The following GLP1R variants were observed in gnomAD, a reference collection of about 807,000 sequenced individuals.
The protein encoded by GLP1R is glucagon-like peptide 1 receptor.
GLP1R carries 32 observed loss-of-function variants against 68.4 expected under a neutral mutation model. The ratio of observed to expected loss-of-function variants is 0.47; its 90% confidence interval spans 0.35 to 0.63. The LOEUF (loss-of-function observed/expected upper bound fraction) is 0.63, where lower values mean the gene tolerates loss of function less well. GLP1R is among the 20% of genes least tolerant of loss of function. The pLI is 0.00. For synonymous variants in GLP1R, 263 were observed against 244.4 expected (o/e 1.08, Z -0.71); for missense variants, 502 against 594.9 (o/e 0.84, Z 1.62).
chr6:39,075,269 G>T (rs886908345), intron 7 of GLP1R, among the ~76,000 whole-genome samples: 1 of 152,212 alleles, frequency 6.6e-6, no homozygotes, highest in Non-Finnish European at 1.5e-5. Context: ...TCTCCCCGAG[G>T]CTTCTTCCTC....
At chr6:39,055,910 C>T (rs937567055) in intron 1 of GLP1R, among the ~76,000 whole-genome samples, 3 of 151,658 alleles carry the variant, frequency 2.0e-5, no homozygotes, top group Non-Finnish European at 4.4e-5. Flanking sequence ...AACTCTGCTT[C>T]CTGGGGGGGC....
chr6:39,079,172 C>T lies in GLP1R; in HGVS notation c.1015C>T (p.Leu339Phe), dbSNP rs199959395. ...CGTGGTATCCAAACTGAAGGCCAAT[C>T]TCATGTGCAAGACAGACATCAAATG... is the stretch of plus-strand genomic sequence containing the variant. ...CIVVSKLKAN[L>F]MCKTDIKCRL... is the part of the protein sequence containing the mutation. The change falls in exon 10 of 13, where the codon CTC becomes TTC. Residue 339 changes from leucine to phenylalanine, a missense_variant. Physicochemically the swap from Leu to Phe is conservative, Grantham distance 22 (BLOSUM62 0). Transcript: ENST00000373256. This position sits in a 1 kb window ranked among gnomAD's most constrained non-coding sequence, Gnocchi z 4.5. 1 of 1,613,768 alleles carries T rather than the reference C, an allele frequency of 6.2e-7. No individual in the cohort carries two copies. Among genetic ancestry groups the T allele is most frequent in the Non-Finnish European group, 8.5e-7 (1 of 1,179,666 alleles).
chr6:39,085,986 C>A lies in GLP1R; in HGVS notation c.1305C>A (p.Pro435=). 1 of 1,614,004 alleles carries A rather than the reference C, an allele frequency of 6.2e-7. No individual in the cohort carries two copies. Among genetic ancestry groups the A allele is most frequent in the South Asian group, 1.1e-5 (1 of 91,076 alleles). ...TCCAGAGGGACAGCAGCATGAAGCC[C>A]CTCAAGTGTCCCACCAGCAGCCTGA... The part of the protein sequence containing the change: ...LHIQRDSSMK[P]LKCPTSSLSS... The change falls in exon 13 of 13, where the codon CCC becomes CCA. Residue 435 remains proline (P), a synonymous_variant. Coordinates refer to ENST00000373256, the MANE Select transcript of GLP1R (RefSeq NM_002062.5).
At chr6:39,061,702 C>G (rs190634012) in intron 3 of GLP1R, among the ~76,000 whole-genome samples, 73 of 152,312 alleles carry the variant, frequency 4.8e-4, no homozygotes, top group Admixed American at 4.4e-3. Flanking sequence ...CCGGGCACTT[C>G]ACATGCTTTA....
intron 3 of GLP1R, among the ~76,000 whole-genome samples, chr6:39,063,917 C>CAG (rs1768423128): frequency 6.9e-6 from 1 of 144,002 alleles, no homozygotes; most frequent in African/African-American, 2.6e-5. Flanking sequence ...CACACACACA[C>CAG]AGACACATAA....
rs1769251072 is a variant in GLP1R, at chr6:39,090,330, T to C, written c.*4257T>C. On this transcript the variant is annotated 3_prime_UTR_variant, in exon 13 of 13. Coordinates refer to ENST00000373256, the MANE Select transcript of GLP1R (RefSeq NM_002062.5). ...CTCCCCAAGTCTCTTGGAATATATA[T>C]GTATCTGAATCTCTCAGAGGAGAGA... Among the ~76,000 whole-genome samples the C allele has an allele frequency of 6.6e-6, 1 of 152,206 alleles. No individual in the cohort carries two copies. Among genetic ancestry groups the C allele is most frequent in the Admixed American group, 6.5e-5 (1 of 15,280 alleles).
chr6:39,083,609 A>G (rs916603303), intron 12 of GLP1R, among the ~76,000 whole-genome samples: 1 of 152,082 alleles, frequency 6.6e-6, no homozygotes, highest in Non-Finnish European at 1.5e-5. Context: ...GCCACTGCCG[A>G]GCTGTGTGAC....
chr6:39,072,919 G>A lies in GLP1R; in HGVS notation c.567G>A (p.Leu189=), dbSNP rs761925949. ...IHLNLFASFI[L]RALSVFIKDA... ...TGAACCTGTTTGCATCCTTCATCCT[G>A]CGAGCATTGTCCGTCTTCATCAAGG... Residue 189 remains leucine (L), a synonymous_variant, in exon 6 of 13, where the codon CTG becomes CTA. Transcript: ENST00000373256. 17 of 1,614,070 alleles carry A rather than the reference G, an allele frequency of 1.1e-5. No individual in the cohort carries two copies. The highest frequency in any genetic ancestry group is 1.7e-5 in the Admixed American group (1 of 60,016).
At chr6:39,071,503 T>C (rs1444880049) in intron 5 of GLP1R, among the ~76,000 whole-genome samples, 1 of 152,172 alleles carries the variant, frequency 6.6e-6, no homozygotes, top group Non-Finnish European at 1.5e-5. Context: ...GCGTATGATA[T>C]AAATAAAGGA....
At chr6:39,072,185 T>C (rs1358880022) in intron 5 of GLP1R, among the ~76,000 whole-genome samples, 1 of 152,262 alleles carries the variant, frequency 6.6e-6, no homozygotes, top group African/African-American at 2.4e-5. Context: ...ATAATAACTA[T>C]TTTGTTTACT....
At chr6:39,054,538 A>G (rs570817856) in intron 1 of GLP1R, among the ~76,000 whole-genome samples, 1 of 150,004 alleles carries the variant, frequency 6.7e-6, no homozygotes, top group Admixed American at 6.6e-5. Context: ...TTTTATGTCC[A>G]CAGCTCTGCT....
chr6:39,078,260 C>A, intron 7 of GLP1R, 62 bp from the exon 8 acceptor site: 1 of 1,190,422 alleles, frequency 8.4e-7, no homozygotes, highest in Non-Finnish European at 1.3e-6. Flanking sequence ...GAGGCCTCGG[C>A]ATGTAGACTG....
chr6:39,079,282 G>A lies in GLP1R; in HGVS notation c.1043+82G>A. On this transcript the variant is annotated intron_variant, in intron 10 of 12. Coordinates refer to ENST00000373256, the MANE Select transcript of GLP1R (RefSeq NM_002062.5). The surrounding 1 kb of genome is among the most constrained non-coding windows in gnomAD (Gnocchi z 4.5). ...AGCAGAGAGAGAGAGAGAGATCCTG[G>A]GATGCTTAGCTTAGAGCCCTACACT... 5.6e-6 allele frequency: 6 copies of A among 1,067,368 alleles called. No individual in the cohort carries two copies. Among genetic ancestry groups the A allele is most frequent in the Non-Finnish European group, 8.8e-6 (6 of 685,706 alleles). The allele number at this position is 1,067,368 out of a possible 1,614,324, so 66.1% of individuals were successfully genotyped here.
chr6:39,066,439 T>G, intron 5 of GLP1R, 136 bp downstream of exon 5: 1 of 587,984 alleles, frequency 1.7e-6, no homozygotes. Context: ...TACAGAGCCC[T>G]GACCGTAGAA....
intron 11 of GLP1R, among the ~76,000 whole-genome samples, chr6:39,080,175 A>T (rs1768959009): frequency 9.3e-6 from 1 of 107,334 alleles, no homozygotes; most frequent in African/African-American, 3.5e-5. Flanking sequence ...AATACAAAAA[A>T]ACTGGTCCCT....
chr6:39,074,180 T>A (rs1235579125), intron 7 of GLP1R: 1 of 157,924 alleles, frequency 6.3e-6, no homozygotes, highest in East Asian at 1.8e-4. Flanking sequence ...GGGGGCTGGC[T>A]GGGGGGAGCC....
chr6:39,062,908 T>C (rs145552159), intron 3 of GLP1R, among the ~76,000 whole-genome samples: 1 of 152,302 alleles, frequency 6.6e-6, no homozygotes, highest in East Asian at 1.9e-4. Context: ...CAGTAGGTGT[T>C]CAAAAACTGA....
At chr6:39,055,977 T>A (rs1310419003) in intron 1 of GLP1R, among the ~76,000 whole-genome samples, 1 of 152,166 alleles carries the variant, frequency 6.6e-6, no homozygotes, top group East Asian at 1.9e-4. Flanking sequence ...TCTTCTAGAA[T>A]GGTTGAAAGT....
chr6:39,050,911 C>T (rs191371170), intron 1 of GLP1R, among the ~76,000 whole-genome samples: 5 of 152,126 alleles, frequency 3.3e-5, no homozygotes, highest in Non-Finnish European at 7.4e-5. Flanking sequence ...CCTACTCAGA[C>T]GGGACTGAAG....
Sources: gnomAD v4.1 joint callset for allele counts (sites outside exome capture counted in the v4.1 genomes callset) on GRCh38, gnomAD v4.1.1 for gene constraint, Gnocchi (gnomAD v3.1) non-coding constraint, MANE v1.5 for transcripts, NCBI Gene and HGNC (gene_info 2026-07-23, HGNC 2026-07-21) for gene names.